Variants in EYS observed in about 807,000 individuals in gnomAD.
The protein encoded by EYS is protein eyes shut homolog.
Under a neutral mutation model 282.1 loss-of-function variants are expected in EYS, and 250 were observed. That is an observed-to-expected ratio of 0.89 (90% confidence interval 0.80 to 0.98). The LOEUF (loss-of-function observed/expected upper bound fraction) is 0.98, where lower values mean the gene tolerates loss of function less well. Among genes scored for constraint, EYS ranks in the 50% least tolerant of loss-of-function variants. The pLI, the probability that EYS is intolerant of heterozygous loss-of-function variation, is 0.00. For missense variants in EYS, 4,016 were observed against 3,709.0 expected (o/e 1.08, Z -2.15); for synonymous variants, 1,355 against 1,282.9 (o/e 1.06, Z -1.20).
At chr6:64,204,535 A>AC (rs1765561040) in intron 31 of EYS, among the ~76,000 whole-genome samples, 2 of 152,172 alleles carry the variant, frequency 1.3e-5, no homozygotes, top group African/African-American at 4.8e-5. Flanking sequence ...GTAATGAACT[A>AC]CTGGTACACT....
intron 37 of EYS, among the ~76,000 whole-genome samples, chr6:63,791,103 AG>A (rs1055514541): frequency 8.5e-5 from 13 of 152,172 alleles, no homozygotes; most frequent in Non-Finnish European, 1.8e-4. Context: ...ATGGTGAGGA[AG>A]AGGGTTAGGA....
intron 12 of EYS, among the ~76,000 whole-genome samples, chr6:65,130,663 G>A (rs1429774288): frequency 2.0e-5 from 3 of 151,734 alleles, no homozygotes; most frequent in African/African-American, 7.3e-5. Context: ...GTAGAGGGTA[G>A]GAGGAGTGAG....
chr6:64,789,840 C>T (rs1177387708), intron 22 of EYS, among the ~76,000 whole-genome samples: 6 of 151,382 alleles, frequency 4.0e-5, no homozygotes, highest in African/African-American at 1.5e-4. Context: ...AAGCCAGCAT[C>T]CAATGACTAC....
intron 10 of EYS, among the ~76,000 whole-genome samples, chr6:65,337,939 C>T (rs1001378905): frequency 2.7e-5 from 4 of 150,904 alleles, no homozygotes; most frequent in African/African-American, 7.3e-5. Flanking sequence ...TAACTATGTG[C>T]TTTCCCTTTT....
chr6:63,900,112 A>AT lies in EYS; in HGVS notation c.7056-35755dup, dbSNP rs570537856. On this transcript the variant is annotated intron_variant, in intron 35 of 42. Coordinates refer to ENST00000503581, the MANE Select transcript of EYS (RefSeq NM_001142800.2). ...TTCCTATGAAGTCAAACCTGTTTAG[A>AT]TTTTTTTTACCTGCTACTTCTTTCT... Among the ~76,000 whole-genome samples the AT allele has an allele frequency of 8.3e-4, 126 of 152,016 alleles. 5 individuals are homozygous for AT. The East Asian group carries it at 0.021, about 25-fold the overall frequency.
At chr6:65,270,887 ATTAT>A (rs1160515148) in intron 12 of EYS, among the ~76,000 whole-genome samples, 1 of 151,656 alleles carries the variant, frequency 6.6e-6, no homozygotes, top group Admixed American at 6.6e-5. Context: ...TGATTTATGT[ATTAT>A]TTAAGAAAAC....
intron 5 of EYS, among the ~76,000 whole-genome samples, chr6:65,435,872 G>C (rs1768057264): frequency 6.6e-6 from 1 of 152,060 alleles, no homozygotes; most frequent in African/African-American, 2.4e-5. Flanking sequence ...AGGCACAGAG[G>C]GAAGACCATG....
chr6:64,870,424 C>A (rs1193202076), intron 19 of EYS, among the ~76,000 whole-genome samples: 3 of 134,934 alleles, frequency 2.2e-5, no homozygotes, highest in Non-Finnish European at 1.6e-5. Flanking sequence ...CTCCTCCCCC[C>A]TCCAAAAAAA....
chr6:63,920,215 T>A (rs181776956), intron 35 of EYS, among the ~76,000 whole-genome samples: 1 of 152,274 alleles, frequency 6.6e-6, no homozygotes, highest in East Asian at 1.9e-4. Context: ...TATTGTCCTT[T>A]TCCACCTGCT....
intron 41 of EYS, among the ~76,000 whole-genome samples, chr6:63,756,758 C>T (rs1582176426): frequency 6.6e-6 from 1 of 152,136 alleles, no homozygotes; most frequent in South Asian, 2.1e-4. Flanking sequence ...CTATCAGTTC[C>T]CCAAATTAAT....
intron 22 of EYS, among the ~76,000 whole-genome samples, chr6:64,648,299 T>C (rs1039871783): frequency 7.2e-5 from 11 of 152,150 alleles, no homozygotes; most frequent in Non-Finnish European, 1.3e-4. Context: ...GTGACAACCA[T>C]AGACTCCCAG....
intron 33 of EYS, among the ~76,000 whole-genome samples, chr6:64,039,393 T>C (rs540402596): frequency 1.3e-5 from 2 of 152,306 alleles, no homozygotes; most frequent in East Asian, 1.9e-4. Context: ...AGCAAGGGAA[T>C]ACATGTTAAA....
chr6:63,777,258 C>T (rs1264560770), intron 40 of EYS, among the ~76,000 whole-genome samples: 2 of 152,124 alleles, frequency 1.3e-5, no homozygotes, highest in Admixed American at 6.6e-5. Flanking sequence ...ATGCTTTCTT[C>T]AGGGTAGGCT....
chr6:65,174,841 A>G (rs562977446), intron 12 of EYS, among the ~76,000 whole-genome samples: 1 of 151,410 alleles, frequency 6.6e-6, no homozygotes, highest in South Asian at 2.1e-4. Flanking sequence ...ATCACATTTA[A>G]CTCATATTGC....
chr6:64,117,330 C>G (rs116558740), intron 31 of EYS, among the ~76,000 whole-genome samples: 7,443 of 68,652 alleles, frequency 0.11, 603 homozygotes, highest in African/African-American at 0.38. Flanking sequence ...GAGGAACAAC[C>G]CCCCCCCCAA....
intron 12 of EYS, among the ~76,000 whole-genome samples, chr6:65,139,829 G>A (rs907342400): frequency 7.2e-5 from 11 of 152,052 alleles, no homozygotes; most frequent in African/African-American, 1.2e-4. Context: ...CAGAAGTGAC[G>A]AGGTATGTCA....
chr6:65,676,390 A>G (rs1199180900), intron 1 of EYS, among the ~76,000 whole-genome samples: 1 of 151,846 alleles, frequency 6.6e-6, no homozygotes, highest in Non-Finnish European at 1.5e-5. Flanking sequence ...ATTACAACTG[A>G]TGCCACAGAA....
At chr6:65,208,322 G>A (rs1380125541) in intron 12 of EYS, among the ~76,000 whole-genome samples, 1 of 151,842 alleles carries the variant, frequency 6.6e-6, no homozygotes, top group African/African-American at 2.4e-5. Flanking sequence ...AGGATGTGGA[G>A]AGAAGAAGGG....
chr6:64,254,434 T>A (rs530132957), intron 30 of EYS, among the ~76,000 whole-genome samples: 1 of 152,014 alleles, frequency 6.6e-6, no homozygotes, highest in Non-Finnish European at 1.5e-5. Flanking sequence ...TCTTACTACA[T>A]CAATGGGGCC....
Sources: allele counts gnomAD v4.1 joint callset (sites outside exome capture counted in the v4.1 genomes callset), GRCh38; gene constraint gnomAD v4.1.1; transcripts MANE v1.5; gene names NCBI Gene and HGNC (gene_info 2026-07-23, HGNC 2026-07-21).